Variants in MTA3 observed in about 807,000 individuals in gnomAD.
MTA3 encodes the protein metastasis-associated protein MTA3.
A neutral mutation model predicts 83.5 loss-of-function variants in MTA3; 34 were observed. The observed-to-expected ratio is 0.41, with a 90% CI of 0.31 to 0.54. The LOEUF (loss-of-function observed/expected upper bound fraction) is 0.54, where lower values mean the gene tolerates loss of function less well. MTA3 is among the 20% of genes least tolerant of loss of function. The pLI is 0.33. For synonymous variants in MTA3, 303 were observed against 252.7 expected (o/e 1.20, Z -1.89); for missense variants, 761 against 726.4 (o/e 1.05, Z -0.55).
intron 14 of MTA3, among the ~76,000 whole-genome samples, chr2:42,717,518 ATGTT>A (rs1667112526): frequency 6.6e-6 from 1 of 152,192 alleles, no homozygotes; most frequent in Admixed American, 6.5e-5. Flanking sequence ...AAAACACAGA[ATGTT>A]TGTATTGTAT....
chr2:42,724,438 G>T (rs545047388), intron 16 of MTA3, among the ~76,000 whole-genome samples: 2 of 151,930 alleles, frequency 1.3e-5, no homozygotes, highest in Non-Finnish European at 2.9e-5. Flanking sequence ...TCACTTGAGC[G>T]CAGGAATTCG....
At position 42,677,939 on chromosome 2, in the gene MTA3, G is replaced by T. The variant is rs528511243; in HGVS notation, c.703-4462G>T. ...CTATTTTCAGACCACAGTTGGCTAC[G>T]GGTAACTGAAACCTTGGAAAGTAAA... On this transcript the variant is annotated intron_variant, in intron 8 of 16. Coordinates refer to ENST00000405094, the MANE Select transcript of MTA3 (RefSeq NM_001330442.2). 3.3e-5 allele frequency among the ~76,000 whole-genome samples: 5 copies of T among 152,210 alleles called. No homozygotes were observed. In the East Asian group the frequency reaches 7.7e-4, roughly 24 times the overall value.
chr2:42,546,380 T>C (rs1676760215), intron 2 of MTA3, among the ~76,000 whole-genome samples: 1 of 152,182 alleles, frequency 6.6e-6, no homozygotes, highest in Non-Finnish European at 1.5e-5. Flanking sequence ...TGTCCTTGTC[T>C]GCTCTACTTG....
chr2:42,586,148 A>G (rs1680252782), intron 3 of MTA3, among the ~76,000 whole-genome samples: 1 of 151,866 alleles, frequency 6.6e-6, no homozygotes, highest in Non-Finnish European at 1.5e-5. Flanking sequence ...ATGGCAGCAC[A>G]TGCCTGTAAT....
At chr2:42,666,148 G>A (rs572326874) in intron 8 of MTA3, among the ~76,000 whole-genome samples, 17 of 151,676 alleles carry the variant, frequency 1.1e-4, no homozygotes, top group Admixed American at 7.9e-4. Context: ...GTGGTGGCAC[G>A]CACCTGTAGT....
intron 2 of MTA3, among the ~76,000 whole-genome samples, chr2:42,561,627 G>A (rs937829198): frequency 2.0e-5 from 3 of 152,028 alleles, no homozygotes; most frequent in Non-Finnish European, 4.4e-5. Flanking sequence ...CCGGCCCCAG[G>A]TGTCCTTTTC....
At chr2:42,511,076 C>A (rs1193506446) in intron 2 of MTA3, among the ~76,000 whole-genome samples, 2 of 152,170 alleles carry the variant, frequency 1.3e-5, no homozygotes, top group Admixed American at 1.3e-4. Context: ...TCCTAGCCCT[C>A]CTCCCACTAT....
In MTA3 at chr2:42,697,831, C is replaced by A; in HGVS notation, c.1022C>A (p.Thr341Asn). 1 of 1,521,128 alleles carries A rather than the reference C, an allele frequency of 6.6e-7. No homozygotes were observed. The highest frequency in any genetic ancestry group is 8.8e-7 in the Non-Finnish European group (1 of 1,131,512). The allele number at this position is 1,521,128 out of a possible 1,614,324, so 94.2% of individuals were successfully genotyped here. ...ESKLKQVYIP[T>N]YSKPNPNQIS... ...AAACTGAAACAAGTATATATCCCAA[C>A]CTAGTAAGTAATTGAAATCTTTTAA... Residue 341 changes from threonine (T) to asparagine (N), a missense_variant, in exon 11 of 17, where the codon ACC becomes AAC. Transcript: ENST00000405094.
chr2:42,589,390 C>A (rs2103926601), intron 3 of MTA3, among the ~76,000 whole-genome samples: 1 of 152,106 alleles, frequency 6.6e-6, no homozygotes, highest in South Asian at 2.1e-4. Context: ...TTAATTTGTT[C>A]AGTTGTGGAA....
intron 11 of MTA3, among the ~76,000 whole-genome samples, chr2:42,700,883 T>C (rs1401466134): frequency 1.3e-5 from 2 of 152,280 alleles, no homozygotes; most frequent in South Asian, 2.1e-4. Context: ...GGAAGACTGC[T>C]TGAAGCCACG....
chr2:42,754,648 C>A lies in MTA3; in HGVS notation c.*1249C>A. The A allele has an allele frequency of 4.1e-6, 4 of 985,496 alleles. No homozygotes were observed. The highest frequency in any genetic ancestry group is 4.8e-6 in the Non-Finnish European group (4 of 829,976). The allele number at this position is 985,496 out of a possible 1,614,324, so 61.0% of individuals were successfully genotyped here. A position where few individuals can be genotyped will look rare whatever the true frequency, so the allele number is the denominator to read the frequency against. On this transcript the variant is annotated 3_prime_UTR_variant, in exon 17 of 17. Transcript: ENST00000405094. Reference sequence around the variant, plus strand: ...CTGTTTGCAGGCACAGGGTCACAGTCCCAAGAAAGACAACTGGAGTCTGAT... The same window carrying A: ...CTGTTTGCAGGCACAGGGTCACAGTACCAAGAAAGACAACTGGAGTCTGAT...
chr2:42,664,869 C>G (rs1690083230), intron 8 of MTA3, among the ~76,000 whole-genome samples: 1 of 152,112 alleles, frequency 6.6e-6, no homozygotes, highest in Non-Finnish European at 1.5e-5. Context: ...ACAATTTATG[C>G]TACTTGTCAA....
chr2:42,597,148 G>T (rs1167181836), intron 3 of MTA3, among the ~76,000 whole-genome samples: 1 of 151,908 alleles, frequency 6.6e-6, no homozygotes, highest in East Asian at 1.9e-4. Flanking sequence ...CTGAGCTCAG[G>T]CAATCCGCCC....
chr2:42,701,328 G>T (rs1665526890), intron 11 of MTA3, among the ~76,000 whole-genome samples: 2 of 145,702 alleles, frequency 1.4e-5, no homozygotes, highest in Admixed American at 7.0e-5. Context: ...GGCCAGGCAT[G>T]GTGGCTCACA....
chr2:42,742,142 CTTT>C (rs779331968), intron 16 of MTA3, among the ~76,000 whole-genome samples: 2 of 141,156 alleles, frequency 1.4e-5, no homozygotes. Flanking sequence ...TTCTTTCTTT[CTTT>C]TTTTTTTTTT....
chr2:42,684,172 A>G (rs1055854030), intron 9 of MTA3, among the ~76,000 whole-genome samples: 6 of 152,178 alleles, frequency 3.9e-5, no homozygotes, highest in African/African-American at 1.2e-4. Context: ...AGTTAAACTT[A>G]TAGTTCCTTT....
chr2:42,514,181 C>T (rs1411295117), intron 2 of MTA3, among the ~76,000 whole-genome samples: 1 of 152,010 alleles, frequency 6.6e-6, no homozygotes, highest in Non-Finnish European at 1.5e-5. Context: ...CCACTGCACT[C>T]CAAGCTGGGC....
intron 3 of MTA3, among the ~76,000 whole-genome samples, chr2:42,604,811 T>G (rs1298997748): frequency 6.7e-6 from 1 of 149,238 alleles, no homozygotes; most frequent in East Asian, 1.9e-4. Flanking sequence ...CCTTCAAGCA[T>G]CTGTTTAACA....
chr2:42,583,003 T>C (rs1369603675), intron 3 of MTA3, among the ~76,000 whole-genome samples: 2 of 152,140 alleles, frequency 1.3e-5, no homozygotes, highest in Admixed American at 1.3e-4. Flanking sequence ...AGTGATTTCC[T>C]TTTTTTCTCA....
Sources: allele counts gnomAD v4.1 joint callset (sites outside exome capture counted in the v4.1 genomes callset), GRCh38; gene constraint gnomAD v4.1.1; transcripts MANE v1.5; gene names NCBI Gene and HGNC (gene_info 2026-07-23, HGNC 2026-07-21).